FBXO8: variants seen among roughly 807,000 people sequenced by gnomAD.
The protein encoded by FBXO8 is F-box protein 8.
A neutral mutation model predicts 33.4 loss-of-function variants in FBXO8; 15 were observed. The ratio of observed to expected loss-of-function variants is 0.45; its 90% CI spans 0.30 to 0.69. FBXO8 has a LOEUF of 0.69. Ranked by LOEUF, FBXO8 falls within the 30% of genes least tolerant of loss-of-function variation. The probability of loss-of-function intolerance (pLI) is 0.08; values close to 1 mark genes in which losing one functional copy is unlikely to be tolerated. For synonymous variants in FBXO8, 132 were observed against 131.5 expected, an observed-to-expected ratio of 1.00 and a Z score of -0.02; for missense variants, 274 against 380.3, an observed-to-expected ratio of 0.72 and a Z score of 2.32.
At position 174,237,346 on chromosome 4, in the gene FBXO8, A is replaced by C; in HGVS notation, c.*66T>G. 1 of 1,389,540 alleles carries C rather than the reference A, an allele frequency of 7.2e-7. No homozygotes were observed. The highest frequency in any genetic ancestry group is 1.8e-5 in the Admixed American group (1 of 54,962). The allele number at this position is 1,389,540 out of a possible 1,614,324, so 86.1% of individuals were successfully genotyped here. On this transcript the variant is annotated 3_prime_UTR_variant, in exon 6 of 6. Coordinates refer to ENST00000393674, the MANE Select transcript of FBXO8 (RefSeq NM_012180.3). The surrounding 1 kb of genome is among the most constrained non-coding windows in gnomAD (Gnocchi z 4.4). ...AATGACCAGCACTGATGTAACCCCC[A>C]TATCTGCTAAGTCCTTGGGTAGCTT...
At chr4:174,250,863 A>G (rs1461805223) in intron 3 of FBXO8, among the ~76,000 whole-genome samples, 1 of 152,144 alleles carries the variant, frequency 6.6e-6, no homozygotes, top group Non-Finnish European at 1.5e-5. Context: ...AGAGGCAGAC[A>G]CCTTGGACAT....
intron 1 of FBXO8, among the ~76,000 whole-genome samples, chr4:174,269,765 C>A (rs1282247823): frequency 6.6e-6 from 1 of 151,598 alleles, no homozygotes; most frequent in Non-Finnish European, 1.5e-5. Context: ...TGATAATTTC[C>A]AGAGAATGAT....
Position 174,252,218 on chromosome 4 carries a change from C to T in FBXO8, c.456+7481G>A, listed in dbSNP as rs1313513175. ...TCCTGAGCTCAAGTTATCCACCCAC[C>T]TTGGTCTCCCAAATTGCTAGGATGA... On this transcript the variant is annotated intron_variant, in intron 3 of 5. Coordinates refer to ENST00000393674, the MANE Select transcript of FBXO8 (RefSeq NM_012180.3). The surrounding 1 kb of genome is among the most constrained non-coding windows in gnomAD (Gnocchi z 5.1). Among the ~76,000 whole-genome samples, 1 of 152,136 alleles carries T rather than the reference C, an allele frequency of 6.6e-6. No homozygotes were observed. Among genetic ancestry groups the T allele is most frequent in the Non-Finnish European group, 1.5e-5 (1 of 68,014 alleles).
Position 174,281,183 on chromosome 4 carries a change from A to G in FBXO8, c.-9+2227T>C, listed in dbSNP as rs1737079545. 2.6e-5 allele frequency among the ~76,000 whole-genome samples: 4 copies of G among 152,068 alleles called. No individual in the cohort carries two copies. The highest frequency in any genetic ancestry group is 2.0e-4 in the Admixed American group (3 of 15,266). On this transcript the variant is annotated intron_variant, in intron 1 of 5. Coordinates refer to ENST00000393674, the MANE Select transcript of FBXO8 (RefSeq NM_012180.3). The surrounding 1 kb of genome is among the most constrained non-coding windows in gnomAD (Gnocchi z 4.6). ...TGTGTATTTAACATCTGTCCTTTCC[A>G]TCTCTTTTTTCCCTATATTCATGAC...
chr4:174,238,221 C>T (rs143667712), intron 5 of FBXO8, among the ~76,000 whole-genome samples: 133 of 151,952 alleles, frequency 8.8e-4, no homozygotes, highest in African/African-American at 3.0e-3. Flanking sequence ...ACTGCTACAC[C>T]TGAGCACCAT....
chr4:174,267,199 AG>A lies in FBXO8; in HGVS notation c.-8-4100del, dbSNP rs1431567507. 1.3e-5 allele frequency among the ~76,000 whole-genome samples: 2 copies of A among 152,242 alleles called. No homozygotes were observed. The highest frequency in any genetic ancestry group is 4.1e-4 in the South Asian group (2 of 4,834). On this transcript the variant is annotated intron_variant, in intron 1 of 5. Transcript: ENST00000393674. This position sits in a 1 kb window ranked among gnomAD's most constrained non-coding sequence, Gnocchi z 4.7. The stretch of plus-strand genomic sequence containing the variant: ...AAAATTTTAAAACTCAGCATGCCTG[AG>A]GATGGTGCCAATAGCAGTTCCATGA...
Position 174,261,377 on chromosome 4 carries a change from C to A in FBXO8, c.329+1387G>T, listed in dbSNP as rs1355953141. ...ATAATTATGGCAAATATTTCTTTCA[C>A]AAATGAAAAATTCAGATTTAAACCC... On this transcript the variant is annotated intron_variant, in intron 2 of 5. Coordinates refer to ENST00000393674, the MANE Select transcript of FBXO8 (RefSeq NM_012180.3). This position sits in a 1 kb window ranked among gnomAD's most constrained non-coding sequence, Gnocchi z 4.1. Among the ~76,000 whole-genome samples the A allele has an allele frequency of 6.6e-6, 1 of 151,766 alleles. No homozygotes were observed.
rs527572137 is a variant in FBXO8 at position 174,274,508 on chromosome 4, T to C, written c.-9+8902A>G. ...AATCCTGGTCCTGAATTTCATTAAT[T>C]TGGGATCTGTGAAATTTGGAGAGAT... On this transcript the variant is annotated intron_variant, in intron 1 of 5. Coordinates refer to ENST00000393674, the MANE Select transcript of FBXO8 (RefSeq NM_012180.3). The surrounding 1 kb of genome is among the most constrained non-coding windows in gnomAD (Gnocchi z 4.0). Among the ~76,000 whole-genome samples the C allele has an allele frequency of 2.6e-5, 4 of 152,328 alleles. No individual in the cohort carries two copies. The highest frequency in any genetic ancestry group is 7.2e-5 in the African/African-American group (3 of 41,558).
rs574166451 is a variant in FBXO8 at position 174,281,002 on chromosome 4, T to G, written c.-9+2408A>C. Among the ~76,000 whole-genome samples, 25 of 152,258 alleles carry G rather than the reference T, an allele frequency of 1.6e-4. No homozygotes were observed. Among genetic ancestry groups the G allele is most frequent in the African/African-American group, 5.8e-4 (24 of 41,542 alleles). ...TAATTAATACCATTGAACTGTACAC[T>G]TAGAATGGTTAAGATGGTAAATTTT... On this transcript the variant is annotated intron_variant, in intron 1 of 5. Transcript: ENST00000393674. This position sits in a 1 kb window ranked among gnomAD's most constrained non-coding sequence, Gnocchi z 4.6.
chr4:174,268,574 T>C (rs1242675243), intron 1 of FBXO8, among the ~76,000 whole-genome samples: 1 of 151,158 alleles, frequency 6.6e-6, no homozygotes. Flanking sequence ...GTGCTGGGAC[T>C]ACAGGCGCCT....
rs886647531 is a variant in FBXO8 at position 174,274,040 on chromosome 4, A to G, written c.-9+9370T>C. On this transcript the variant is annotated intron_variant, in intron 1 of 5. Coordinates refer to ENST00000393674, the MANE Select transcript of FBXO8 (RefSeq NM_012180.3). This position sits in a 1 kb window ranked among gnomAD's most constrained non-coding sequence, Gnocchi z 4.0. ...TTCTTAACCCACAAACCATATTCCC[A>G]GAACCGCTGGAGCCCATGGATGACA... Among the ~76,000 whole-genome samples, 3 of 152,210 alleles carry G rather than the reference A, an allele frequency of 2.0e-5. No homozygotes were observed. Among genetic ancestry groups the G allele is most frequent in the Admixed American group, 1.3e-4 (2 of 15,286 alleles).
chr4:174,280,189 C>T (rs1304090586), intron 1 of FBXO8, among the ~76,000 whole-genome samples: 1 of 152,016 alleles, frequency 6.6e-6, no homozygotes, highest in Non-Finnish European at 1.5e-5. Context: ...CTTGAAAAGA[C>T]ATTTTTCCAG....
rs780961832 is a variant in FBXO8 at position 174,256,090 on chromosome 4, G to C, written c.456+3609C>G. 3.3e-5 allele frequency: 15 copies of C among 455,918 alleles called. No homozygotes were observed. Among genetic ancestry groups the C allele is most frequent in the South Asian group, 3.1e-5 (2 of 64,538 alleles). 28.2% of individuals were successfully genotyped at this position (455,918 alleles called of 1,614,324 possible). A position where few individuals can be genotyped will look rare whatever the true frequency, so the allele number is the denominator to read the frequency against. On this transcript the variant is annotated intron_variant, in intron 3 of 5. Transcript: ENST00000393674. The surrounding 1 kb of genome is among the most constrained non-coding windows in gnomAD (Gnocchi z 4.6). ...ACTGCCAGCAGCTGCTGTGGAGCTT[G>C]GTTACCCATATCCGTGACATGAACG...
In FBXO8 at chr4:174,262,035, C is replaced by T. The variant is rs1467338815; in HGVS notation, c.329+729G>A. 6.6e-6 allele frequency among the ~76,000 whole-genome samples: 1 copy of T among 151,944 alleles called. No individual in the cohort carries two copies. Among genetic ancestry groups the T allele is most frequent in the Non-Finnish European group, 1.5e-5 (1 of 67,928 alleles). On this transcript the variant is annotated intron_variant, in intron 2 of 5. Coordinates refer to ENST00000393674, the MANE Select transcript of FBXO8 (RefSeq NM_012180.3). The surrounding 1 kb of genome is among the most constrained non-coding windows in gnomAD (Gnocchi z 4.6). ...ATACTTTTTGTTAAAGTATATGATG[C>T]TATTTAAGGAGTAACTTAGGTTCAA...
At position 174,259,181 on chromosome 4, in the gene FBXO8, A is replaced by G. The variant is rs1204797869; in HGVS notation, c.456+518T>C. Among the ~76,000 whole-genome samples the G allele has an allele frequency of 6.6e-6, 1 of 152,126 alleles. No individual in the cohort carries two copies. Among genetic ancestry groups the G allele is most frequent in the East Asian group, 1.9e-4 (1 of 5,202 alleles). ...AGAATTAAATAATTAATACAAAATTATTCAATTTTATAACAATCTATAAAT... is the reference window on the plus strand; with the variant it reads ...AGAATTAAATAATTAATACAAAATTGTTCAATTTTATAACAATCTATAAAT... On this transcript the variant is annotated intron_variant, in intron 3 of 5. Coordinates refer to ENST00000393674, the MANE Select transcript of FBXO8 (RefSeq NM_012180.3). This position sits in a 1 kb window ranked among gnomAD's most constrained non-coding sequence, Gnocchi z 4.3.
chr4:174,273,616 T>C (rs747278345), intron 1 of FBXO8, among the ~76,000 whole-genome samples: 2 of 152,200 alleles, frequency 1.3e-5, no homozygotes, highest in Non-Finnish European at 2.9e-5. Context: ...GTGTGATGTA[T>C]GCAACCTACT....
In FBXO8 at chr4:174,265,877, A is replaced by C. The variant is rs986867273; in HGVS notation, c.-8-2777T>G. ...ATTCCTCTATTTAACTTAGCAAGAA[A>C]ATATCTAGAAATCACATTAATTGCT... On this transcript the variant is annotated intron_variant, in intron 1 of 5. Transcript: ENST00000393674. The surrounding 1 kb of genome is among the most constrained non-coding windows in gnomAD (Gnocchi z 4.7). Among the ~76,000 whole-genome samples the C allele has an allele frequency of 2.0e-5, 3 of 152,210 alleles. No individual in the cohort carries two copies.
At position 174,245,230 on chromosome 4, in the gene FBXO8, G is replaced by A. The variant is rs981007428; in HGVS notation, c.457-4012C>T. The stretch of plus-strand genomic sequence containing the variant: ...GTGCCAAGGTACATCAATAATACAT[G>A]GCAGTAGAAGAAAACCTAAATGAAT... On this transcript the variant is annotated intron_variant, in intron 3 of 5. Transcript: ENST00000393674. The surrounding 1 kb of genome is among the most constrained non-coding windows in gnomAD (Gnocchi z 4.6). 6.6e-6 allele frequency among the ~76,000 whole-genome samples: 1 copy of A among 151,706 alleles called. No homozygotes were observed. The highest frequency in any genetic ancestry group is 1.5e-5 in the Non-Finnish European group (1 of 67,798).
rs956968698 is a variant in FBXO8, at chr4:174,263,883, T to G, written c.-8-783A>C. 7.9e-5 allele frequency among the ~76,000 whole-genome samples: 12 copies of G among 152,174 alleles called. No homozygotes were observed. The highest frequency in any genetic ancestry group is 1.3e-4 in the Non-Finnish European group (9 of 68,018). On this transcript the variant is annotated intron_variant, in intron 1 of 5. Coordinates refer to ENST00000393674, the MANE Select transcript of FBXO8 (RefSeq NM_012180.3). The surrounding 1 kb of genome is among the most constrained non-coding windows in gnomAD (Gnocchi z 4.2). ...TACCATCTGACCTCCCACCAGAGCA[T>G]TCTACATTTGTCTGTCACATATATT... is the stretch of plus-strand genomic sequence containing the variant.
Sources: allele counts gnomAD v4.1 joint callset (sites outside exome capture counted in the v4.1 genomes callset), GRCh38; gene constraint gnomAD v4.1.1; non-coding constraint Gnocchi (gnomAD v3.1); transcripts MANE v1.5; gene names NCBI Gene and HGNC (gene_info 2026-07-23, HGNC 2026-07-21).